CNTN5: variants seen among roughly 807,000 people sequenced by gnomAD.
CNTN5 encodes the protein contactin 5, also known as contactin-5.
Under a neutral mutation model 129.1 loss-of-function variants are expected in CNTN5, and 77 were observed. That is an observed-to-expected ratio of 0.60 (90% CI 0.50 to 0.72). The LOEUF is 0.72. CNTN5 is among the 30% of genes least tolerant of loss of function. CNTN5 has a pLI of 0.00. For missense variants in CNTN5, 1,478 were observed against 1,328.8 expected, an observed-to-expected ratio of 1.11 and a Z score of -1.75; for synonymous variants, 509 against 465.6, an observed-to-expected ratio of 1.09 and a Z score of -1.20.
At chr11:99,044,356 G>A (rs1183698701) in intron 1 of CNTN5, among the ~76,000 whole-genome samples, 9 of 152,058 alleles carry the variant, frequency 5.9e-5, no homozygotes, top group Non-Finnish European at 1.0e-4. Flanking sequence ...ATTTTGGTAC[G>A]AAAATGTGAA....
intron 9 of CNTN5, among the ~76,000 whole-genome samples, chr11:100,016,548 T>C (rs1302905868): frequency 6.6e-6 from 1 of 152,118 alleles, no homozygotes; most frequent in Non-Finnish European, 1.5e-5. Flanking sequence ...TTCTACTTTA[T>C]ATGACAGTGA....
chr11:99,318,343 G>A (rs1045775618), intron 1 of CNTN5, among the ~76,000 whole-genome samples: 2 of 152,128 alleles, frequency 1.3e-5, no homozygotes, highest in Admixed American at 6.6e-5. Context: ...TTAGAATTCA[G>A]TATGCCAACT....
chr11:100,016,208 C>T (rs1445685306), intron 9 of CNTN5, among the ~76,000 whole-genome samples: 1 of 151,982 alleles, frequency 6.6e-6, no homozygotes, highest in African/African-American at 2.4e-5. Context: ...AAAACAAATG[C>T]CATAGATACG....
chr11:100,263,998 CT>C lies in CNTN5; in HGVS notation c.2165-7092del, dbSNP rs1255451896. Among the ~76,000 whole-genome samples the C allele has an allele frequency of 1.3e-5, 2 of 152,116 alleles. 1 individual carries two copies. On this transcript the variant is annotated intron_variant, in intron 17 of 24. Coordinates refer to ENST00000524871, the MANE Select transcript of CNTN5 (RefSeq NM_014361.4). ...CTACATCCATGCTTCGCTAGTTACACTTATGTTCTGATTCTCACCTATGGTT... is the reference window on the plus strand; with the variant it reads ...CTACATCCATGCTTCGCTAGTTACACTATGTTCTGATTCTCACCTATGGTT...
chr11:99,889,355 T>A (rs1415150604), intron 6 of CNTN5, among the ~76,000 whole-genome samples: 2 of 126,122 alleles, frequency 1.6e-5, no homozygotes, highest in Non-Finnish European at 3.5e-5. Flanking sequence ...TGTGTGTGTG[T>A]GTATATATAT....
At chr11:100,097,632 A>G (rs537608574) in intron 13 of CNTN5, among the ~76,000 whole-genome samples, 28 of 152,138 alleles carry the variant, frequency 1.8e-4, no homozygotes, top group Non-Finnish European at 4.0e-4. Context: ...ACTGAGATCA[A>G]AAGGAAGAAT....
rs978965910 is a variant in CNTN5, at chr11:100,357,535, T to C, written c.*1315T>C. ...AAAGAAGTTCTAACAAGCACAAGAA[T>C]GTGCCAGAGTTGGCATCATACCCAT... On this transcript the variant is annotated 3_prime_UTR_variant, in exon 25 of 25. Transcript: ENST00000524871. 1 of 151,792 alleles carries C rather than the reference T, an allele frequency of 6.6e-6. No homozygotes were observed. Among genetic ancestry groups the C allele is most frequent in the African/African-American group, 2.4e-5 (1 of 41,380 alleles). The allele number at this position is 151,792 out of a possible 1,614,324, so 9.4% of individuals were successfully genotyped here.
At chr11:99,406,217 A>T (rs945910123) in intron 2 of CNTN5, among the ~76,000 whole-genome samples, 7 of 151,996 alleles carry the variant, frequency 4.6e-5, no homozygotes, top group Admixed American at 4.6e-4. Flanking sequence ...GATATTCAAA[A>T]AGGCTTGGGA....
chr11:99,687,170 A>G (rs987050849), intron 3 of CNTN5, among the ~76,000 whole-genome samples: 1 of 130,478 alleles, frequency 7.7e-6, no homozygotes, highest in African/African-American at 2.5e-5. Flanking sequence ...TGTTTTGTAC[A>G]CTGTTATTTA....
intron 3 of CNTN5, among the ~76,000 whole-genome samples, chr11:99,770,602 T>A (rs1450665480): frequency 6.6e-6 from 1 of 152,110 alleles, no homozygotes; most frequent in African/African-American, 2.4e-5. Flanking sequence ...ATGTCTTTAT[T>A]TGTGTCTTTT....
At chr11:100,233,583 C>T (rs904641754) in intron 16 of CNTN5, among the ~76,000 whole-genome samples, 2 of 152,198 alleles carry the variant, frequency 1.3e-5, no homozygotes, top group Non-Finnish European at 2.9e-5. Context: ...TTCTATGTTA[C>T]ACCTTGGCCT....
chr11:99,756,029 T>A (rs1406447973), intron 3 of CNTN5, among the ~76,000 whole-genome samples: 2 of 152,078 alleles, frequency 1.3e-5, no homozygotes, highest in Admixed American at 6.6e-5. Flanking sequence ...TACATTTAAC[T>A]GGAAGGTAGA....
At chr11:99,502,056 T>C (rs1007231075) in intron 2 of CNTN5, among the ~76,000 whole-genome samples, 2 of 152,230 alleles carry the variant, frequency 1.3e-5, no homozygotes, top group Non-Finnish European at 2.9e-5. Flanking sequence ...ATTGTACATG[T>C]ATCTAATCTT....
intron 3 of CNTN5, among the ~76,000 whole-genome samples, chr11:99,812,123 G>T (rs1946446378): frequency 6.6e-6 from 1 of 152,058 alleles, no homozygotes; most frequent in Admixed American, 6.6e-5. Context: ...CCCTGAACAG[G>T]AATATGGAGA....
chr11:99,970,622 A>G (rs1283378194), intron 8 of CNTN5, among the ~76,000 whole-genome samples: 2 of 152,190 alleles, frequency 1.3e-5, no homozygotes, highest in African/African-American at 4.8e-5. Flanking sequence ...TTAGCTATTA[A>G]CACAGTACTT....
intron 1 of CNTN5, among the ~76,000 whole-genome samples, chr11:99,098,995 C>T (rs1300181580): frequency 6.6e-6 from 1 of 152,104 alleles, no homozygotes; most frequent in Non-Finnish European, 1.5e-5. Flanking sequence ...AGTGATAAAG[C>T]AGTACTGGTC....
intron 16 of CNTN5, among the ~76,000 whole-genome samples, chr11:100,227,558 C>A (rs2138637533): frequency 6.6e-6 from 1 of 152,214 alleles, no homozygotes; most frequent in Non-Finnish European, 1.5e-5. Flanking sequence ...CCAAAGATTG[C>A]TTTTTTCGTA....
Position 99,824,951 on chromosome 11 carries a change from G to A in CNTN5, c.277+5186G>A, listed in dbSNP as rs548014334. On this transcript the variant is annotated intron_variant, in intron 4 of 24. Transcript: ENST00000524871. Reference sequence around the variant, plus strand: ...TATTCCTAGATCTCATACAGTTTTTGTCTCCTCGAAAATAATAATATAGTA... The same window carrying A: ...TATTCCTAGATCTCATACAGTTTTTATCTCCTCGAAAATAATAATATAGTA... Among the ~76,000 whole-genome samples, 271 of 151,966 alleles carry A rather than the reference G, an allele frequency of 1.8e-3. 1 individual carries two copies. The highest frequency in any genetic ancestry group is 2.7e-3 in the Non-Finnish European group (182 of 67,834).
intron 3 of CNTN5, among the ~76,000 whole-genome samples, chr11:99,705,489 A>G (rs1344985479): frequency 6.6e-6 from 1 of 151,444 alleles, no homozygotes; most frequent in Non-Finnish European, 1.5e-5. Flanking sequence ...AAATTCTTAC[A>G]GTATTGAATA....
Sources: allele counts gnomAD v4.1 joint callset (sites outside exome capture counted in the v4.1 genomes callset), GRCh38; gene constraint gnomAD v4.1.1; transcripts MANE v1.5; gene names NCBI Gene and HGNC (gene_info 2026-07-23, HGNC 2026-07-21).